The following STXBP5L variants were observed in gnomAD, a reference collection of about 807,000 sequenced individuals.
The protein encoded by STXBP5L is syntaxin-binding protein 5-like.
STXBP5L carries 65 observed loss-of-function variants against 144.5 expected under a neutral mutation model. The ratio of observed to expected loss-of-function variants is 0.45; its 90% confidence interval spans 0.37 to 0.55. The LOEUF is 0.55. STXBP5L is among the 20% of genes least tolerant of loss of function. The pLI, the probability that STXBP5L is intolerant of heterozygous loss-of-function variation, is 0.00. For synonymous variants in STXBP5L, 505 were observed against 469.6 expected (o/e 1.08, Z -0.97); for missense variants, 1,298 against 1,405.5 (o/e 0.92, Z 1.22).
intron 19 of STXBP5L, among the ~76,000 whole-genome samples, chr3:121,282,959 T>C (rs778779122): frequency 3.1e-4 from 47 of 151,942 alleles, no homozygotes; most frequent in Non-Finnish European, 5.6e-4. Flanking sequence ...GATCCGAAGA[T>C]ATCTAGAGTA....
At chr3:121,229,946 A>G (rs557726880) in intron 11 of STXBP5L, among the ~76,000 whole-genome samples, 2 of 152,296 alleles carry the variant, frequency 1.3e-5, no homozygotes, top group South Asian at 2.1e-4. Context: ...TAGTCTTTCT[A>G]TTAAATTTAA....
intron 3 of STXBP5L, among the ~76,000 whole-genome samples, chr3:121,028,194 CTACATT>C (rs1469096466): frequency 6.6e-6 from 1 of 151,956 alleles, no homozygotes; most frequent in Non-Finnish European, 1.5e-5. Flanking sequence ...AAATCACTGA[CTACATT>C]TTCATTAAGT....
chr3:121,362,162 C>T (rs570326673), intron 20 of STXBP5L, among the ~76,000 whole-genome samples: 2 of 152,354 alleles, frequency 1.3e-5, no homozygotes, highest in African/African-American at 4.8e-5. Flanking sequence ...TCTCTCTATT[C>T]TAAGCCACCT....
At chr3:121,301,495 GGGCAATTTGA>G (rs2051905110) in intron 19 of STXBP5L, among the ~76,000 whole-genome samples, 1 of 151,948 alleles carries the variant, frequency 6.6e-6, no homozygotes, top group Non-Finnish European at 1.5e-5. Flanking sequence ...CTGCAAACAG[GGGCAATTTGA>G]CTTCCTCTTT....
intron 3 of STXBP5L, among the ~76,000 whole-genome samples, chr3:120,990,870 A>G (rs1309133561): frequency 1.3e-5 from 2 of 152,228 alleles, no homozygotes; most frequent in East Asian, 3.8e-4. Context: ...CTAAAACCAT[A>G]AAAACCCTAG....
intron 3 of STXBP5L, among the ~76,000 whole-genome samples, chr3:120,963,163 A>T (rs1398636298): frequency 1.3e-5 from 2 of 152,222 alleles, no homozygotes; most frequent in East Asian, 1.9e-4. Context: ...TATCAGCTTA[A>T]GGAGATTTTG....
intron 3 of STXBP5L, among the ~76,000 whole-genome samples, chr3:120,977,536 C>G (rs1438205263): frequency 6.6e-6 from 1 of 152,138 alleles, no homozygotes; most frequent in Non-Finnish European, 1.5e-5. Flanking sequence ...AGCATTTAGT[C>G]CTTTTACATT....
intron 3 of STXBP5L, among the ~76,000 whole-genome samples, chr3:121,029,437 T>C (rs954185494): frequency 1.3e-5 from 2 of 152,130 alleles, no homozygotes; most frequent in African/African-American, 4.8e-5. Context: ...GGGAAAGGAT[T>C]CCCCATTTTA....
chr3:121,414,678 A>G (rs7634611), intron 24 of STXBP5L, among the ~76,000 whole-genome samples: 120,265 of 152,220 alleles, frequency 0.79, 47,659 homozygotes, highest in East Asian at 0.89. Context: ...AAACTGCCAA[A>G]AAAGTGCAGA....
At chr3:121,192,374 A>G (rs180798129) in intron 9 of STXBP5L, among the ~76,000 whole-genome samples, 1 of 152,330 alleles carries the variant, frequency 6.6e-6, no homozygotes, top group African/African-American at 2.4e-5. Context: ...AAGAATCAAT[A>G]TCATCAAAAT....
chr3:121,324,858 G>C (rs938403990), intron 20 of STXBP5L, among the ~76,000 whole-genome samples: 2 of 152,022 alleles, frequency 1.3e-5, no homozygotes, highest in Admixed American at 6.6e-5. Flanking sequence ...AACCTGATTA[G>C]TTTTCTCAGG....
intron 20 of STXBP5L, among the ~76,000 whole-genome samples, chr3:121,365,667 T>A (rs1440296990): frequency 2.0e-5 from 3 of 151,758 alleles, no homozygotes; most frequent in Non-Finnish European, 3.0e-5. Flanking sequence ...TCTCTCTGTT[T>A]CTTCTTACAT....
In STXBP5L at chr3:121,279,925, G is replaced by T; in HGVS notation, c.2079G>T (p.Arg693=). ...RSSDLYQRQP[R]SPRKNKQFIA... is the part of the protein sequence containing the mutation. ...GTGACTTATACCAGCGACAACCACG[G>T]TCTCCTCGAAAAAACAAACAGTTCA... Residue 693 remains arginine, a synonymous_variant, in exon 19 of 27, where the codon CGG becomes CGT. Transcript: ENST00000471454. 1 of 1,611,992 alleles carries T rather than the reference G, an allele frequency of 6.2e-7. No homozygotes were observed. Among genetic ancestry groups the T allele is most frequent in the Non-Finnish European group, 8.5e-7 (1 of 1,178,634 alleles).
chr3:120,908,837 A>G (rs1370209007), intron 1 of STXBP5L, among the ~76,000 whole-genome samples: 3 of 141,174 alleles, frequency 2.1e-5, no homozygotes, highest in Non-Finnish European at 4.6e-5. Context: ...GAGAGGGGGG[A>G]AAGAGGACGC....
intron 19 of STXBP5L, among the ~76,000 whole-genome samples, chr3:121,313,237 C>A (rs2043615937): frequency 6.9e-6 from 1 of 145,354 alleles, no homozygotes; most frequent in African/African-American, 2.6e-5. Context: ...CACCTCCCTC[C>A]CGGACGGGGC....
intron 9 of STXBP5L, among the ~76,000 whole-genome samples, chr3:121,203,186 T>A (rs2048205358): frequency 6.6e-6 from 1 of 152,164 alleles, no homozygotes; most frequent in South Asian, 2.1e-4. Context: ...AACATTGCTT[T>A]ACACTCATCA....
intron 11 of STXBP5L, among the ~76,000 whole-genome samples, chr3:121,228,721 AC>A: frequency 6.6e-6 from 1 of 152,262 alleles, no homozygotes; most frequent in Non-Finnish European, 1.5e-5. Flanking sequence ...TACTAAAAAT[AC>A]AAAAATCAGC....
intron 9 of STXBP5L, among the ~76,000 whole-genome samples, chr3:121,174,343 G>T (rs1286178861): frequency 6.6e-6 from 1 of 151,956 alleles, no homozygotes; most frequent in Non-Finnish European, 1.5e-5. Context: ...ACATATTCAT[G>T]GCATAGCTTT....
At chr3:121,038,464 C>CT (rs1309778472) in intron 3 of STXBP5L, among the ~76,000 whole-genome samples, 1 of 151,856 alleles carries the variant, frequency 6.6e-6, no homozygotes, top group Admixed American at 6.6e-5. Context: ...AAACTATACT[C>CT]TTTATGATTT....
Sources: gnomAD v4.1 joint callset for allele counts (sites outside exome capture counted in the v4.1 genomes callset) on GRCh38, gnomAD v4.1.1 for gene constraint, MANE v1.5 for transcripts, NCBI Gene and HGNC (gene_info 2026-07-23, HGNC 2026-07-21) for gene names.